Variants in C1QTNF7 observed in about 807,000 individuals in gnomAD.
The protein encoded by C1QTNF7 is C1q and TNF related 7.
In C1QTNF7, 15 loss-of-function variants were observed where a neutral mutation model predicts 19.6. The ratio of observed to expected loss-of-function variants is 0.76; its 90% CI spans 0.51 to 1.18. C1QTNF7 has a LOEUF of 1.18. Ranked by LOEUF, C1QTNF7 falls within the 50% of genes most tolerant of loss-of-function variation. C1QTNF7 has a pLI of 0.00. For synonymous variants in C1QTNF7, 142 were observed against 137.5 expected, an observed-to-expected ratio of 1.03 and a Z score of -0.23; for missense variants, 324 against 359.7, an observed-to-expected ratio of 0.90 and a Z score of 0.80.
intron 1 of C1QTNF7, among the ~76,000 whole-genome samples, chr4:15,357,657 C>T (rs1012535503): frequency 1.3e-5 from 2 of 152,130 alleles, no homozygotes; most frequent in Non-Finnish European, 2.9e-5. Flanking sequence ...ATCATTGAAT[C>T]TTTAAGTTAC....
At chr4:15,423,451 T>C (rs900966085), upstream of C1QTNF7, among the ~76,000 whole-genome samples, 2 of 152,220 alleles carry the variant, frequency 1.3e-5, no homozygotes, top group Non-Finnish European at 2.9e-5. Context: ...AACCCACCTC[T>C]TTCCCTGCAA....
chr4:15,443,665 G>C lies in C1QTNF7; in HGVS notation c.*866G>C, dbSNP rs1453350221. On this transcript the variant is annotated 3_prime_UTR_variant, in exon 3 of 3. Coordinates refer to ENST00000444304, the MANE Select transcript of C1QTNF7 (RefSeq NM_031911.5). ...TGATTGGTATTCTCAACAGCAAAGG[G>C]GTGAAAAATCTAGAGACAGAGGAGG... is the stretch of plus-strand genomic sequence containing the variant. 1 of 152,140 alleles carries C rather than the reference G, an allele frequency of 6.6e-6. No individual in the cohort carries two copies. Among genetic ancestry groups the C allele is most frequent in the Non-Finnish European group, 1.5e-5 (1 of 68,028 alleles). The allele number at this position is 152,140 out of a possible 1,614,324, so 9.4% of individuals were successfully genotyped here.
chr4:15,357,140 C>T (rs1360545508), intron 1 of C1QTNF7, among the ~76,000 whole-genome samples: 1 of 152,102 alleles, frequency 6.6e-6, no homozygotes, highest in Non-Finnish European at 1.5e-5. Context: ...GTTACCATTG[C>T]TTTTGGTGTT....
upstream of C1QTNF7, among the ~76,000 whole-genome samples, chr4:15,427,495 A>G (rs1399596680): frequency 6.6e-6 from 1 of 152,228 alleles, no homozygotes; most frequent in East Asian, 1.9e-4. Context: ...GCAAAGAACA[A>G]AGAAAACAAA....
At chr4:15,387,925 G>T (rs1718401335) in intron 1 of C1QTNF7, among the ~76,000 whole-genome samples, 1 of 152,152 alleles carries the variant, frequency 6.6e-6, no homozygotes, top group South Asian at 2.1e-4. Context: ...GAGGAGAACT[G>T]CTCTAGTGAT....
chr4:15,425,847 A>AGT (rs1184327569), upstream of C1QTNF7, among the ~76,000 whole-genome samples: 2 of 151,790 alleles, frequency 1.3e-5, no homozygotes, highest in African/African-American at 2.4e-5. Context: ...ATGGTGTGTG[A>AGT]GTGTGTGTGT....
intron 1 of C1QTNF7, among the ~76,000 whole-genome samples, chr4:15,345,053 T>C (rs1716670037): frequency 6.6e-6 from 1 of 152,242 alleles, no homozygotes; most frequent in South Asian, 2.1e-4. Flanking sequence ...CTTACAACTA[T>C]AGCAAGTCTG....
intron 1 of C1QTNF7, among the ~76,000 whole-genome samples, chr4:15,355,369 C>T (rs931879140): frequency 1.4e-4 from 22 of 152,102 alleles, no homozygotes; most frequent in Admixed American, 1.4e-3. Context: ...TATGTGAAAT[C>T]GCCCAATTTT....
At chr4:15,350,327 GAAA>G (rs765150964) in intron 1 of C1QTNF7, among the ~76,000 whole-genome samples, 3,996 of 47,302 alleles carry the variant, frequency 0.084, 1,072 homozygotes, top group African/African-American at 0.16. Flanking sequence ...AAGGAAGGAG[GAAA>G]GAAAGGAGGG....
chr4:15,444,819 G>A lies in C1QTNF7; in HGVS notation c.*2020G>A, dbSNP rs1712932382. The A allele has an allele frequency of 6.6e-6, 1 of 152,214 alleles. No homozygotes were observed. The highest frequency in any genetic ancestry group is 2.4e-5 in the African/African-American group (1 of 41,424). The allele number at this position is 152,214 out of a possible 1,614,324, so 9.4% of individuals were successfully genotyped here. A position where few individuals can be genotyped will look rare whatever the true frequency, so the allele number is the denominator to read the frequency against. On this transcript the variant is annotated 3_prime_UTR_variant, in exon 3 of 3. Transcript: ENST00000444304. Reference sequence around the variant, plus strand: ...TGGGGGAAAGCGCACTTGAGACAGAGGTAATGATGGGGACGAAGTGAGAAC... The same window carrying A: ...TGGGGGAAAGCGCACTTGAGACAGAAGTAATGATGGGGACGAAGTGAGAAC...
At chr4:15,398,524 AC>A (rs1242306190) in intron 1 of C1QTNF7, among the ~76,000 whole-genome samples, 3 of 152,156 alleles carry the variant, frequency 2.0e-5, no homozygotes, top group Non-Finnish European at 4.4e-5. Context: ...TTCTGGGACT[AC>A]CTGGGTCTAG....
intron 1 of C1QTNF7, among the ~76,000 whole-genome samples, chr4:15,393,465 T>C (rs1204103863): frequency 6.6e-6 from 1 of 152,116 alleles, no homozygotes; most frequent in Non-Finnish European, 1.5e-5. Context: ...AAGCCAAAGG[T>C]TCTCAACCCT....
At chr4:15,394,519 CAG>C (rs1170930943) in intron 1 of C1QTNF7, among the ~76,000 whole-genome samples, 11 of 152,300 alleles carry the variant, frequency 7.2e-5, no homozygotes, top group Admixed American at 5.2e-4. Context: ...CATGTTTGTG[CAG>C]AGTCTCAAAA....
At chr4:15,387,865 A>G (rs1718398926) in intron 1 of C1QTNF7, among the ~76,000 whole-genome samples, 1 of 152,334 alleles carries the variant, frequency 6.6e-6, no homozygotes, top group Non-Finnish European at 1.5e-5. Context: ...ATATAGATAT[A>G]CAGATATATA....
chr4:15,407,165 C>G (rs919006306), intron 1 of C1QTNF7, among the ~76,000 whole-genome samples: 10 of 152,116 alleles, frequency 6.6e-5, no homozygotes, highest in African/African-American at 2.4e-4. Context: ...AAAAGTGTGT[C>G]AGGCGGGTAA....
chr4:15,422,936 A>G (rs1317082200), intron 1 of C1QTNF7, among the ~76,000 whole-genome samples: 1 of 152,182 alleles, frequency 6.6e-6, no homozygotes, highest in Non-Finnish European at 1.5e-5. Flanking sequence ...TAAGTTTTTT[A>G]CGTTTTAAAA....
chr4:15,424,465 C>G (rs1477768850), upstream of C1QTNF7, among the ~76,000 whole-genome samples: 1 of 152,138 alleles, frequency 6.6e-6, no homozygotes, highest in Non-Finnish European at 1.5e-5. Context: ...TGAAGGTGTT[C>G]CTTGGTTGAT....
At chr4:15,392,365 G>A (rs532090841) in intron 1 of C1QTNF7, among the ~76,000 whole-genome samples, 7 of 152,256 alleles carry the variant, frequency 4.6e-5, no homozygotes, top group East Asian at 1.9e-4. Flanking sequence ...CAGCGTCCTC[G>A]CAGAACCAAG....
intron 1 of C1QTNF7, among the ~76,000 whole-genome samples, chr4:15,412,259 T>C (rs1302620885): frequency 6.6e-6 from 1 of 152,132 alleles, no homozygotes; most frequent in Non-Finnish European, 1.5e-5. Context: ...AGTATAATAA[T>C]AATAGAAACA....
Sources: gnomAD v4.1 joint callset for allele counts (sites outside exome capture counted in the v4.1 genomes callset) on GRCh38, gnomAD v4.1.1 for gene constraint, MANE v1.5 for transcripts, NCBI Gene and HGNC (gene_info 2026-07-23, HGNC 2026-07-21) for gene names.